ZNF431: variants seen among roughly 807,000 people sequenced by gnomAD.
ZNF431 encodes zinc finger protein 431.
Under a neutral mutation model 57.0 loss-of-function variants are expected in ZNF431, and 34 were observed. The observed-to-expected ratio is 0.60, with a 90% CI of 0.45 to 0.79. The LOEUF (loss-of-function observed/expected upper bound fraction) is 0.79. Ranked by LOEUF, ZNF431 falls within the 30% of genes least tolerant of loss-of-function variation. The pLI, the probability that ZNF431 is intolerant of heterozygous loss-of-function variation, is 0.00. For synonymous variants in ZNF431, 207 were observed against 220.3 expected, an observed-to-expected ratio of 0.94 and a Z score of 0.54; for missense variants, 607 against 667.1, an observed-to-expected ratio of 0.91 and a Z score of 0.99.
Position 21,182,044 on chromosome 19 carries a change from T to C in ZNF431, c.320-579T>C, listed in dbSNP as rs555369437. Among the ~76,000 whole-genome samples, 16 of 152,304 alleles carry C rather than the reference T, an allele frequency of 1.1e-4. No homozygotes were observed. In the South Asian group the frequency reaches 3.3e-3, roughly 32 times the overall value. On this transcript the variant is annotated intron_variant, in intron 4 of 4. Transcript: ENST00000311048. ...TTTTTTAGTTAAAGGAGTTTCTGTTTCATCTTAATCAGCAGTCATTTGCTG... is the reference window on the plus strand; with the variant it reads ...TTTTTTAGTTAAAGGAGTTTCTGTTCCATCTTAATCAGCAGTCATTTGCTG...
intron 2 of ZNF431, among the ~76,000 whole-genome samples, chr19:21,154,930 A>G (rs1226533680): frequency 1.3e-5 from 2 of 152,222 alleles, no homozygotes; most frequent in Non-Finnish European, 1.5e-5. Context: ...GCCCTTTGTC[A>G]GATGAGTAGA....
intron 2 of ZNF431, among the ~76,000 whole-genome samples, chr19:21,157,915 G>C (rs572388295): frequency 6.7e-6 from 1 of 149,256 alleles, no homozygotes; most frequent in Non-Finnish European, 1.5e-5. Flanking sequence ...TACCAATACC[G>C]TTCTGCTTTT....
chr19:21,188,656 A>T lies in ZNF431; in HGVS notation c.*4622A>T, dbSNP rs1462211839. 6.6e-6 allele frequency: 1 copy of T among 152,164 alleles called. No individual in the cohort carries two copies. Among genetic ancestry groups the T allele is most frequent in the Non-Finnish European group, 1.5e-5 (1 of 68,010 alleles). The allele number at this position is 152,164 out of a possible 1,614,324, so 9.4% of individuals were successfully genotyped here. A position where few individuals can be genotyped will look rare whatever the true frequency, so the allele number is the denominator to read the frequency against. ...TTTTAGTGGGAGAGGTTTAGTCTACAGTTTTTATTTTTAGTCACCAAACTG... is the reference window on the plus strand; with the variant it reads ...TTTTAGTGGGAGAGGTTTAGTCTACTGTTTTTATTTTTAGTCACCAAACTG... On this transcript the variant is annotated 3_prime_UTR_variant, in exon 5 of 5. Coordinates refer to ENST00000311048, the MANE Select transcript of ZNF431 (RefSeq NM_133473.4).
At chr19:21,152,088 G>A (rs1209923020) in intron 2 of ZNF431, among the ~76,000 whole-genome samples, 1 of 152,170 alleles carries the variant, frequency 6.6e-6, no homozygotes, top group Non-Finnish European at 1.5e-5. Flanking sequence ...ATAGACCTTA[G>A]CCACTCTTCT....
chr19:21,175,366 A>G (rs1971020298), intron 4 of ZNF431: 1 of 677,012 alleles, frequency 1.5e-6, no homozygotes. Flanking sequence ...AATTTTTAAA[A>G]TGACTGCTTA....
chr19:21,172,274 C>T (rs1432633194), intron 4 of ZNF431, among the ~76,000 whole-genome samples: 3 of 150,826 alleles, frequency 2.0e-5, no homozygotes, highest in Non-Finnish European at 4.4e-5. Flanking sequence ...ACTAAAAATA[C>T]AAAATTAGCC....
rs1971270380 is a variant in ZNF431, at chr19:21,183,420, A to G, written c.1117A>G (p.Lys373Glu). Reference protein sequence around the residue: ...KIIHTGEKSYKCEECGKGFNW... With the variant: ...KIIHTGEKSYECEECGKGFNW... ...AATTCATACTGGAGAAAAATCTTAC[A>G]AATGTGAAGAATGTGGCAAAGGCTT... The change falls in exon 5 of 5, where the codon AAA becomes GAA. Residue 373 changes from lysine (K) to glutamate (E), a missense_variant. Coordinates refer to ENST00000311048, the MANE Select transcript of ZNF431 (RefSeq NM_133473.4). 6.2e-7 allele frequency: 1 copy of G among 1,613,288 alleles called. No individual in the cohort carries two copies. Among genetic ancestry groups the G allele is most frequent in the Non-Finnish European group, 8.5e-7 (1 of 1,179,714 alleles).
intron 4 of ZNF431, among the ~76,000 whole-genome samples, chr19:21,174,106 T>C (rs978495797): frequency 3.3e-5 from 5 of 152,028 alleles, no homozygotes; most frequent in Non-Finnish European, 4.4e-5. Flanking sequence ...AATTACTCTT[T>C]GTCTTCCACC....
Position 21,143,587 on chromosome 19 carries a change from G to A in ZNF431, c.40G>A (p.Ala14Thr). Residue 14 changes from alanine (A) to threonine (T), a missense_variant, in exon 2 of 5, where the codon GCA becomes ACA. Coordinates refer to ENST00000311048, the MANE Select transcript of ZNF431 (RefSeq NM_133473.4). ...LKYGVYPLKE[A>T]SGCPGAERNL... is the part of the protein sequence containing the mutation. ...ATATGGAGTGTATCCTCTCAAGGAA[G>A]CAAGTGGATGCCCTGGGGCTGAGAG... is the stretch of plus-strand genomic sequence containing the variant. 6.2e-7 allele frequency: 1 copy of A among 1,613,996 alleles called. No homozygotes were observed. The highest frequency in any genetic ancestry group is 8.5e-7 in the Non-Finnish European group (1 of 1,179,878).
At chr19:21,162,770 A>C (rs758815177) in intron 2 of ZNF431, 1 of 985,224 alleles carries the variant, frequency 1.0e-6, no homozygotes. Context: ...TGAGAAAAAT[A>C]AACTGTATAT....
In ZNF431 at chr19:21,183,801, A is replaced by C. The variant is rs1447600777; in HGVS notation, c.1498A>C (p.Thr500Pro). 1.2e-6 allele frequency: 2 copies of C among 1,614,020 alleles called. No individual in the cohort carries two copies. The highest frequency in any genetic ancestry group is 2.2e-5 in the South Asian group (2 of 91,076). The change falls in exon 5 of 5, where the codon ACT (threonine) becomes CCT (proline). Residue 500 changes from threonine (T) to proline (P), a missense_variant. Coordinates refer to ENST00000311048, the MANE Select transcript of ZNF431 (RefSeq NM_133473.4). ...GKAFNRSSNL[T>P]KHKIIHTGEK... ...AGCTTTTAACCGATCCTCAAATCTT[A>C]CTAAACATAAGATAATTCATACAGG...
intron 2 of ZNF431, among the ~76,000 whole-genome samples, chr19:21,158,302 AT>A (rs1451642223): frequency 6.6e-6 from 1 of 152,024 alleles, no homozygotes; most frequent in African/African-American, 2.4e-5. Flanking sequence ...GGTTCAAGCT[AT>A]TCTCCTGCCT....
intron 4 of ZNF431, among the ~76,000 whole-genome samples, chr19:21,179,971 A>G (rs1971167740): frequency 6.6e-6 from 1 of 152,144 alleles, no homozygotes; most frequent in Non-Finnish European, 1.5e-5. Flanking sequence ...AAATTCATTC[A>G]GGAGTAGGTT....
intron 4 of ZNF431, 43 bp from the exon 5 acceptor site, chr19:21,182,580 G>C: frequency 6.5e-7 from 1 of 1,534,798 alleles, no homozygotes; most frequent in Non-Finnish European, 8.7e-7. Flanking sequence ...ATGTTTATCA[G>C]AGTCTAGTAA....
At chr19:21,180,947 A>G (rs891524419) in intron 4 of ZNF431, among the ~76,000 whole-genome samples, 4 of 151,466 alleles carry the variant, frequency 2.6e-5, no homozygotes, top group Non-Finnish European at 5.9e-5. Context: ...ATCAAAAGAA[A>G]AAAAAAAAAA....
intron 2 of ZNF431, among the ~76,000 whole-genome samples, chr19:21,145,158 CTA>C (rs1282361091): frequency 3.9e-5 from 6 of 151,968 alleles, no homozygotes; most frequent in African/African-American, 1.5e-4. Flanking sequence ...AGAGCTAAGG[CTA>C]ATATTGAGCC....
intron 2 of ZNF431, among the ~76,000 whole-genome samples, chr19:21,147,900 G>T (rs1265353089): frequency 2.0e-5 from 3 of 152,056 alleles, no homozygotes; most frequent in African/African-American, 7.2e-5. Flanking sequence ...ACAGTTGACA[G>T]CCTTTTCTGT....
At chr19:21,159,778 C>T (rs1568302094) in intron 2 of ZNF431, among the ~76,000 whole-genome samples, 1 of 152,096 alleles carries the variant, frequency 6.6e-6, no homozygotes, top group Non-Finnish European at 1.5e-5. Context: ...TAGAATTCAC[C>T]TGCAAATTTG....
At chr19:21,142,285 C>T (rs529506986) in intron 1 of ZNF431, 99 bp downstream of exon 1, 1 of 1,518,350 alleles carries the variant, frequency 6.6e-7, no homozygotes, top group South Asian at 1.1e-5. Context: ...GCAGTCAGCT[C>T]CACAGTCTGC....
Sources: gnomAD v4.1 joint callset for allele counts (sites outside exome capture counted in the v4.1 genomes callset) on GRCh38, gnomAD v4.1.1 for gene constraint, MANE v1.5 for transcripts, NCBI Gene and HGNC (gene_info 2026-07-23, HGNC 2026-07-21) for gene names.